CTNNA3: variants seen among roughly 807,000 people sequenced by gnomAD.
CTNNA3 encodes catenin alpha 3.
CTNNA3 carries 76 observed loss-of-function variants against 95.7 expected under a neutral mutation model. That is an observed-to-expected ratio of 0.79 (90% CI 0.66 to 0.96). The LOEUF (loss-of-function observed/expected upper bound fraction) is 0.96, where lower values mean the gene tolerates loss of function less well. Among genes scored for constraint, CTNNA3 ranks in the 40% least tolerant of loss-of-function variants. The probability of loss-of-function intolerance (pLI) is 0.00; values close to 1 mark genes in which losing one functional copy is unlikely to be tolerated. For missense variants in CTNNA3, 1,191 were observed against 1,089.8 expected (o/e 1.09, Z -1.31); for synonymous variants, 431 against 374.4 (o/e 1.15, Z -1.74).
chr10:67,688,852 C>T (rs573847722), intron 1 of CTNNA3, among the ~76,000 whole-genome samples: 9 of 152,250 alleles, frequency 5.9e-5, no homozygotes, highest in South Asian at 2.1e-4. Flanking sequence ...CCCAAGAACC[C>T]GCAACGGTCC....
chr10:66,543,903 G>A (rs1482683267), intron 10 of CTNNA3, among the ~76,000 whole-genome samples: 8 of 44,642 alleles, frequency 1.8e-4, no homozygotes, highest in African/African-American at 4.3e-4. Flanking sequence ...CTTGAGATGT[G>A]TGTGTGTGTA....
chr10:66,950,504 A>C (rs1848487236), intron 7 of CTNNA3, among the ~76,000 whole-genome samples: 1 of 152,132 alleles, frequency 6.6e-6, no homozygotes, highest in Non-Finnish European at 1.5e-5. Flanking sequence ...ATTAAACAAA[A>C]GATCCTTATT....
chr10:67,416,776 T>C (rs1457490087), intron 5 of CTNNA3, among the ~76,000 whole-genome samples: 1 of 151,948 alleles, frequency 6.6e-6, no homozygotes, highest in African/African-American at 2.4e-5. Flanking sequence ...AGGATGGCTA[T>C]TATTAAAGAG....
intron 12 of CTNNA3, among the ~76,000 whole-genome samples, chr10:66,361,139 T>G (rs1433575920): frequency 6.9e-6 from 1 of 144,354 alleles, no homozygotes; most frequent in African/African-American, 2.6e-5. Flanking sequence ...GAATTTTTTG[T>G]TTTTTTTTTA....
intron 7 of CTNNA3, among the ~76,000 whole-genome samples, chr10:66,900,060 A>T (rs985814630): frequency 6.6e-6 from 1 of 151,892 alleles, no homozygotes; most frequent in African/African-American, 2.4e-5. Flanking sequence ...TGGATCCCTG[A>T]CTCTGTGTAG....
At chr10:65,925,177 C>T (rs1456656854) in intron 17 of CTNNA3, among the ~76,000 whole-genome samples, 1 of 152,158 alleles carries the variant, frequency 6.6e-6, no homozygotes, top group Non-Finnish European at 1.5e-5. Context: ...ATCCATTCTA[C>T]CCAAACACTA....
At chr10:66,672,086 G>A (rs770326420) in intron 9 of CTNNA3, among the ~76,000 whole-genome samples, 1 of 152,102 alleles carries the variant, frequency 6.6e-6, no homozygotes, top group Non-Finnish European at 1.5e-5. Context: ...AGTCAAGTCA[G>A]CTGATCAACA....
chr10:67,644,518 T>C (rs1223292349), intron 2 of CTNNA3, among the ~76,000 whole-genome samples: 5 of 152,174 alleles, frequency 3.3e-5, no homozygotes, highest in Middle Eastern at 3.4e-3. Context: ...TTAATATAAT[T>C]TAATGAGATA....
intron 11 of CTNNA3, among the ~76,000 whole-genome samples, chr10:66,449,654 T>A (rs2093449310): frequency 6.6e-6 from 1 of 152,100 alleles, no homozygotes; most frequent in African/African-American, 2.4e-5. Context: ...AGGTAGTAAC[T>A]ACTGCATTAC....
Position 66,926,900 on chromosome 10 carries a change from C to G in CTNNA3, c.1048-151376G>C, listed in dbSNP as rs201381878. The G allele has an allele frequency of 2.9e-5, 45 of 1,536,514 alleles. No homozygotes were observed. The East Asian group carries it at 1.0e-3, about 34-fold the overall frequency. On this transcript the variant is annotated intron_variant, in intron 7 of 17. Coordinates refer to ENST00000433211, the MANE Select transcript of CTNNA3 (RefSeq NM_013266.4). ...ATTCTTTTTTGGGGGGATAACTTTTCTAAGTTGTTTTTATTTCCAGGTTTC... is the reference window on the plus strand; with the variant it reads ...ATTCTTTTTTGGGGGGATAACTTTTGTAAGTTGTTTTTATTTCCAGGTTTC...
intron 7 of CTNNA3, among the ~76,000 whole-genome samples, chr10:67,067,505 A>G (rs548919263): frequency 6.6e-6 from 1 of 152,366 alleles, no homozygotes; most frequent in South Asian, 2.1e-4. Context: ...GGCAGGTTTC[A>G]GATCAGAAAT....
At chr10:66,075,511 T>C (rs2080533352) in intron 14 of CTNNA3, among the ~76,000 whole-genome samples, 1 of 151,774 alleles carries the variant, frequency 6.6e-6, no homozygotes. Context: ...ATAATGTATA[T>C]AAATGTATCA....
intron 13 of CTNNA3, among the ~76,000 whole-genome samples, chr10:66,266,554 G>A (rs192619299): frequency 8.0e-4 from 122 of 152,028 alleles, no homozygotes; most frequent in Non-Finnish European, 1.4e-3. Flanking sequence ...AACATTTTCC[G>A]TAATCAGAGA....
At chr10:67,567,134 C>T (rs1186284574) in intron 3 of CTNNA3, among the ~76,000 whole-genome samples, 11 of 151,280 alleles carry the variant, frequency 7.3e-5, no homozygotes, top group Admixed American at 6.6e-4. Flanking sequence ...AACTAACCTG[C>T]ATGTTGTGCA....
chr10:66,888,862 C>T (rs2132486894), intron 7 of CTNNA3, among the ~76,000 whole-genome samples: 1 of 152,292 alleles, frequency 6.6e-6, no homozygotes, highest in Non-Finnish European at 1.5e-5. Flanking sequence ...TACTGCGATC[C>T]TTGGTATTTG....
intron 9 of CTNNA3, among the ~76,000 whole-genome samples, chr10:66,724,459 T>C (rs7912739): frequency 0.39 from 58,982 of 151,950 alleles, 11,871 homozygotes; most frequent in Non-Finnish European, 0.43. Context: ...ATAGCTCATT[T>C]ATATTTGGCC....
At chr10:66,078,610 T>G (rs1197516021) in intron 14 of CTNNA3, among the ~76,000 whole-genome samples, 1 of 151,922 alleles carries the variant, frequency 6.6e-6, no homozygotes, top group Non-Finnish European at 1.5e-5. Flanking sequence ...GAAATGCCCA[T>G]TACAAAAATA....
rs944794005 is a variant in CTNNA3, at chr10:67,046,341, C to T, written c.1047+133976G>A. Among the ~76,000 whole-genome samples the T allele has an allele frequency of 4.6e-5, 7 of 152,276 alleles. 1 individual carries two copies. Among genetic ancestry groups the T allele is most frequent in the Admixed American group, 3.9e-4 (6 of 15,300 alleles). On this transcript the variant is annotated intron_variant, in intron 7 of 17. Coordinates refer to ENST00000433211, the MANE Select transcript of CTNNA3 (RefSeq NM_013266.4). Reference sequence around the variant, plus strand: ...AAATATGCCAGGTTTCAAGTTTCAGCATATGAGCACAGATGTGAGCGAACA... The same window carrying T: ...AAATATGCCAGGTTTCAAGTTTCAGTATATGAGCACAGATGTGAGCGAACA...
intron 7 of CTNNA3, among the ~76,000 whole-genome samples, chr10:67,081,503 C>G (rs2064217019): frequency 1.3e-5 from 2 of 152,204 alleles, no homozygotes; most frequent in African/African-American, 4.8e-5. Context: ...GGTTAATTAA[C>G]TTGCCCAAGG....
Sources: gnomAD v4.1 joint callset for allele counts (sites outside exome capture counted in the v4.1 genomes callset) on GRCh38, gnomAD v4.1.1 for gene constraint, MANE v1.5 for transcripts, NCBI Gene and HGNC (gene_info 2026-07-23, HGNC 2026-07-21) for gene names.